Variants in CTNNA3 observed in about 807,000 individuals in gnomAD.
The protein encoded by CTNNA3 is catenin alpha-3.
A neutral mutation model predicts 95.7 loss-of-function variants in CTNNA3; 76 were observed. The ratio of observed to expected loss-of-function variants is 0.79; its 90% CI spans 0.66 to 0.96. The LOEUF is 0.96. Among genes scored for constraint, CTNNA3 ranks in the 40% least tolerant of loss-of-function variants. The pLI is 0.00. For synonymous variants in CTNNA3, 431 were observed against 374.4 expected (o/e 1.15, Z -1.74); for missense variants, 1,191 against 1,089.8 (o/e 1.09, Z -1.31).
chr10:66,171,141 A>AG, intron 13 of CTNNA3, among the ~76,000 whole-genome samples: 1 of 152,080 alleles, frequency 6.6e-6, no homozygotes. Context: ...TCCAAAAAAA[A>AG]GAAATATCTC....
At chr10:67,011,429 G>GAA (rs34842168) in intron 7 of CTNNA3, among the ~76,000 whole-genome samples, 4 of 151,492 alleles carry the variant, frequency 2.6e-5, no homozygotes, top group Non-Finnish European at 4.4e-5. Context: ...AATTGCTAGT[G>GAA]AAAAAACAGA....
At chr10:67,308,322 T>C (rs1840642488) in intron 5 of CTNNA3, among the ~76,000 whole-genome samples, 1 of 152,186 alleles carries the variant, frequency 6.6e-6, no homozygotes, top group Non-Finnish European at 1.5e-5. Context: ...GTGAGTTTTT[T>C]CCTTGCTGTT....
At chr10:67,297,771 C>CTGGAT (rs1840106239) in intron 5 of CTNNA3, among the ~76,000 whole-genome samples, 1 of 152,202 alleles carries the variant, frequency 6.6e-6, no homozygotes, top group Non-Finnish European at 1.5e-5. Flanking sequence ...TTAAGGTTCA[C>CTGGAT]TGGATTCGAT....
intron 7 of CTNNA3, among the ~76,000 whole-genome samples, chr10:66,815,959 T>C (rs1842063000): frequency 6.6e-6 from 1 of 152,188 alleles, no homozygotes. Context: ...ATACACAGTA[T>C]AGCTATATTT....
chr10:66,674,856 C>T (rs1846793659), intron 9 of CTNNA3, among the ~76,000 whole-genome samples: 2 of 152,080 alleles, frequency 1.3e-5, no homozygotes, highest in South Asian at 4.2e-4. Flanking sequence ...TTGATTTATT[C>T]CCAGGTGCAT....
At chr10:66,937,001 A>G (rs1847743278) in intron 7 of CTNNA3, among the ~76,000 whole-genome samples, 1 of 152,148 alleles carries the variant, frequency 6.6e-6, no homozygotes, top group Non-Finnish European at 1.5e-5. Context: ...ATTCCTCAGT[A>G]TTTTTCTCAA....
chr10:67,326,782 C>T (rs181110665), intron 5 of CTNNA3, among the ~76,000 whole-genome samples: 64 of 152,242 alleles, frequency 4.2e-4, no homozygotes, highest in Non-Finnish European at 2.4e-4. Flanking sequence ...TTTAGCTAGG[C>T]TGGGGAAGTT....
At chr10:66,876,542 T>C (rs1470933017) in intron 7 of CTNNA3, among the ~76,000 whole-genome samples, 2 of 152,156 alleles carry the variant, frequency 1.3e-5, no homozygotes, top group Admixed American at 6.6e-5. Flanking sequence ...GTAATGTGGA[T>C]ATATCCTTAT....
At position 66,962,544 on chromosome 10, in the gene CTNNA3, G is replaced by A. The variant is rs140145233; in HGVS notation, c.1048-187020C>T. Reference sequence around the variant, plus strand: ...CCTGCCTCAGCCTACTGAGTAGCTGGGATTACAGGCACGTGCCACCACACC... The same window carrying A: ...CCTGCCTCAGCCTACTGAGTAGCTGAGATTACAGGCACGTGCCACCACACC... On this transcript the variant is annotated intron_variant, in intron 7 of 17. Transcript: ENST00000433211. 8.4e-3 allele frequency among the ~76,000 whole-genome samples: 1,277 copies of A among 151,824 alleles called. 21 individuals are homozygous for A. Among genetic ancestry groups the A allele is most frequent in the African/African-American group, 0.029 (1,208 of 41,412 alleles).
At chr10:67,144,638 C>G (rs1408023933) in intron 7 of CTNNA3, among the ~76,000 whole-genome samples, 1 of 152,164 alleles carries the variant, frequency 6.6e-6, no homozygotes, top group Non-Finnish European at 1.5e-5. Context: ...TGGCTTCAGA[C>G]TTTTCTTGGG....
At chr10:66,416,028 TATAAG>T (rs2093143048) in intron 11 of CTNNA3, among the ~76,000 whole-genome samples, 1 of 152,014 alleles carries the variant, frequency 6.6e-6, no homozygotes, top group African/African-American at 2.4e-5. Context: ...TTCAGTGAGA[TATAAG>T]AGAATTCTAA....
At chr10:67,143,574 CTTTG>C (rs1860697409) in intron 7 of CTNNA3, among the ~76,000 whole-genome samples, 1 of 151,958 alleles carries the variant, frequency 6.6e-6, no homozygotes, top group Non-Finnish European at 1.5e-5. Context: ...ATTCTAAATC[CTTTG>C]TTGTCATTTA....
intron 11 of CTNNA3, among the ~76,000 whole-genome samples, chr10:66,487,961 T>C (rs1839797069): frequency 6.6e-6 from 1 of 152,124 alleles, no homozygotes; most frequent in South Asian, 2.1e-4. Flanking sequence ...TAAACCAACC[T>C]CATCCAACAG....
intron 11 of CTNNA3, among the ~76,000 whole-genome samples, chr10:66,414,880 T>G (rs1461455230): frequency 1.3e-5 from 2 of 152,034 alleles, no homozygotes; most frequent in Non-Finnish European, 2.9e-5. Flanking sequence ...TGAAGCCCAG[T>G]GGTGCTGAAG....
chr10:67,138,365 A>G (rs1057439083), intron 7 of CTNNA3, among the ~76,000 whole-genome samples: 19 of 152,350 alleles, frequency 1.2e-4, no homozygotes, highest in Non-Finnish European at 2.8e-4. Context: ...AACATTTCTC[A>G]TTTATAAATC....
At chr10:66,149,807 C>T (rs949652230) in intron 13 of CTNNA3, among the ~76,000 whole-genome samples, 2 of 151,850 alleles carry the variant, frequency 1.3e-5, no homozygotes, top group Non-Finnish European at 2.9e-5. Flanking sequence ...TATAGTCTTT[C>T]ACTTTAAAAA....
chr10:67,342,898 G>GTT (rs200045128), intron 5 of CTNNA3, among the ~76,000 whole-genome samples: 1 of 151,772 alleles, frequency 6.6e-6, no homozygotes, highest in African/African-American at 2.4e-5. Context: ...GTTTTGTTTT[G>GTT]TTTTTTTCTT....
intron 7 of CTNNA3, among the ~76,000 whole-genome samples, chr10:67,154,153 T>C (rs1220396197): frequency 2.0e-5 from 3 of 152,192 alleles, no homozygotes; most frequent in Non-Finnish European, 4.4e-5. Context: ...ATACATATTA[T>C]AAGTTAATTT....
chr10:67,074,374 G>C (rs1856632983), intron 7 of CTNNA3, among the ~76,000 whole-genome samples: 1 of 100,790 alleles, frequency 9.9e-6, no homozygotes, highest in Non-Finnish European at 1.9e-5. Context: ...TTTTTGAGAC[G>C]GAGTCTCGCT....
Sources: gnomAD v4.1 joint callset for allele counts (sites outside exome capture counted in the v4.1 genomes callset) on GRCh38, gnomAD v4.1.1 for gene constraint, MANE v1.5 for transcripts, NCBI Gene and HGNC (gene_info 2026-07-23, HGNC 2026-07-21) for gene names.